The following SESN1 variants were observed in gnomAD, a reference collection of about 807,000 sequenced individuals.
SESN1 encodes the protein sestrin-1.
Under a neutral mutation model 59.3 loss-of-function variants are expected in SESN1, and 30 were observed. The observed-to-expected ratio is 0.51, with a 90% CI of 0.38 to 0.69. The LOEUF is 0.69. Among genes scored for constraint, SESN1 ranks in the 30% least tolerant of loss-of-function variants. The probability of loss-of-function intolerance (pLI) is 0.00; values close to 1 mark genes in which losing one functional copy is unlikely to be tolerated. For synonymous variants in SESN1, 197 were observed against 219.9 expected (o/e 0.90, Z 0.92); for missense variants, 566 against 673.0 (o/e 0.84, Z 1.76).
chr6:108,987,679 A>T, intron 9 of SESN1, 49 bp from the exon 10 acceptor site: 1 of 1,036,522 alleles, frequency 9.6e-7, no homozygotes. Flanking sequence ...AAGCATTCAC[A>T]ATCAGTTTTT....
At chr6:108,995,579 G>T (rs1485282480) in intron 5 of SESN1, among the ~76,000 whole-genome samples, 1 of 152,160 alleles carries the variant, frequency 6.6e-6, no homozygotes, top group Non-Finnish European at 1.5e-5. Context: ...ACAAAAGCTA[G>T]ATCAAATCTA....
At chr6:108,999,812 A>T (rs776902552) in intron 4 of SESN1, 1 of 152,178 alleles carries the variant, frequency 6.6e-6, no homozygotes, top group African/African-American at 2.4e-5. Context: ...GACAAAAAAC[A>T]AGAAACAAAA....
chr6:109,027,867 T>C (rs1221504557), intron 1 of SESN1, among the ~76,000 whole-genome samples: 2 of 152,194 alleles, frequency 1.3e-5, no homozygotes, highest in African/African-American at 4.8e-5. Flanking sequence ...TAAATACATA[T>C]ATATATATTT....
At chr6:108,994,375 G>C (rs937641769) in intron 6 of SESN1, 87 bp downstream of exon 6, 3 of 1,128,516 alleles carry the variant, frequency 2.7e-6, no homozygotes, top group African/African-American at 1.6e-5. Context: ...GACATATTTA[G>C]ATTGATGCTT....
intron 3 of SESN1, 87 bp from the exon 4 acceptor site, chr6:109,000,760 T>A: frequency 9.2e-7 from 1 of 1,092,530 alleles, no homozygotes; most frequent in Non-Finnish European, 1.2e-6. Context: ...AAGAGCTAAT[T>A]AAGTTTATTA....
At chr6:109,002,181 GT>G (rs1315577742) in intron 2 of SESN1, 96 bp downstream of exon 2, 3 of 1,045,522 alleles carry the variant, frequency 2.9e-6, no homozygotes, top group East Asian at 2.5e-5. Flanking sequence ...ACTAAAACAT[GT>G]TGTTGACCAA....
At chr6:109,051,503 T>C (rs1780541193) in intron 1 of SESN1, among the ~76,000 whole-genome samples, 1 of 152,186 alleles carries the variant, frequency 6.6e-6, no homozygotes, top group Non-Finnish European at 1.5e-5. Flanking sequence ...GGTCCTCTTA[T>C]TACCTTTTTG....
At chr6:109,056,281 C>A (rs2114449316) in intron 1 of SESN1, among the ~76,000 whole-genome samples, 1 of 152,228 alleles carries the variant, frequency 6.6e-6, no homozygotes, top group African/African-American at 2.4e-5. Flanking sequence ...GTAGCGTACA[C>A]CTTTCCCAGC....
chr6:109,084,003 A>G (rs1215976087), intron 1 of SESN1, among the ~76,000 whole-genome samples: 1 of 152,252 alleles, frequency 6.6e-6, no homozygotes, highest in Non-Finnish European at 1.5e-5. Flanking sequence ...CACTTTTAGT[A>G]AGGTAAAGAT....
At chr6:109,058,386 CCTAGGAACA>C (rs1404589537) in intron 1 of SESN1, among the ~76,000 whole-genome samples, 2 of 152,136 alleles carry the variant, frequency 1.3e-5, no homozygotes, top group African/African-American at 4.8e-5. Context: ...AGGTTTGTAG[CCTAGGAACA>C]CTAGGTTATA....
intron 1 of SESN1, among the ~76,000 whole-genome samples, chr6:109,081,754 C>T (rs748039254): frequency 2.6e-4 from 40 of 152,286 alleles, no homozygotes; most frequent in Middle Eastern, 6.8e-3. Flanking sequence ...CCCAAAGACA[C>T]CTGCCAGATA....
In SESN1 at chr6:108,992,878, G is replaced by A; in HGVS notation, c.1142C>T (p.Ala381Val). 1 of 1,612,218 alleles carries A rather than the reference G, an allele frequency of 6.2e-7. No individual in the cohort carries two copies. The highest frequency in any genetic ancestry group is 8.5e-7 in the Non-Finnish European group (1 of 1,178,728). Reference protein sequence around the residue: ...FSSDDEEVTPARAVSRHFEDT... With the variant: ...FSSDDEEVTPVRAVSRHFEDT... Reference sequence around the variant, plus strand: ...CTCAAAATGACGAGATACAGCTCTTGCTGGTGTAACTTCTTCATCATCTGG... The same window carrying A: ...CTCAAAATGACGAGATACAGCTCTTACTGGTGTAACTTCTTCATCATCTGG... Residue 381 changes from alanine (A) to valine (V), a missense_variant, in exon 7 of 10, where the codon GCA (alanine) becomes GTA (valine). Transcript: ENST00000436639.
intron 1 of SESN1, among the ~76,000 whole-genome samples, chr6:109,049,926 T>G (rs6916819): frequency 6.6e-6 from 1 of 152,052 alleles, no homozygotes; most frequent in Admixed American, 6.6e-5. Context: ...TGTCTGACTT[T>G]GGTTTGAAAC....
At chr6:109,092,053 T>C (rs948649203) in intron 1 of SESN1, among the ~76,000 whole-genome samples, 1 of 152,184 alleles carries the variant, frequency 6.6e-6, no homozygotes, top group African/African-American at 2.4e-5. Context: ...GTACAATAGA[T>C]GCAGAGATGG....
In SESN1 at chr6:108,990,835, C is replaced by T. The variant is rs1779359594; in HGVS notation, c.1234G>A (p.Asp412Asn). The T allele has an allele frequency of 1.9e-6, 3 of 1,612,848 alleles. No individual in the cohort carries two copies. The highest frequency in any genetic ancestry group is 2.5e-6 in the Non-Finnish European group (3 of 1,179,220). ...TAACCATGATCTTCCCAGCAATAGT[C>T]CTAAATACAGGGAATAGAACAAATG... ...GMHVPTFRVQ[D>N]YCWEDHGYSL... Residue 412 changes from aspartate to asparagine, a missense_variant and splice_region_variant, in exon 8 of 10, where the codon GAC becomes AAC. By Grantham distance (23) the Asp-to-Asn change is conservative. Coordinates refer to ENST00000436639, the MANE Select transcript of SESN1 (RefSeq NM_014454.3).
intron 1 of SESN1, among the ~76,000 whole-genome samples, chr6:109,013,500 A>G (rs945595125): frequency 6.6e-6 from 1 of 152,204 alleles, no homozygotes; most frequent in Non-Finnish European, 1.5e-5. Flanking sequence ...CCCTGAGCGC[A>G]TTAGGTCTTT....
intron 1 of SESN1, among the ~76,000 whole-genome samples, chr6:109,079,422 A>G (rs970926770): frequency 6.6e-6 from 1 of 152,198 alleles, no homozygotes; most frequent in Non-Finnish European, 1.5e-5. Flanking sequence ...TCATCATGTT[A>G]TAACAGATTT....
intron 1 of SESN1, among the ~76,000 whole-genome samples, chr6:109,044,914 T>G (rs778070655): frequency 6.6e-6 from 1 of 152,016 alleles, no homozygotes; most frequent in South Asian, 2.1e-4. Flanking sequence ...TCTCAGCTAC[T>G]TGGGCAGCTG....
chr6:109,048,983 G>C (rs1780497944), intron 1 of SESN1, among the ~76,000 whole-genome samples: 1 of 152,184 alleles, frequency 6.6e-6, no homozygotes, highest in South Asian at 2.1e-4. Context: ...CTAGGACTTA[G>C]TGTCTTTGTC....
Sources: gnomAD v4.1 joint callset for allele counts (sites outside exome capture counted in the v4.1 genomes callset) on GRCh38, gnomAD v4.1.1 for gene constraint, MANE v1.5 for transcripts, NCBI Gene and HGNC (gene_info 2026-07-23, HGNC 2026-07-21) for gene names.